Variants in ACBD6 observed in about 807,000 individuals in gnomAD.
ACBD6 encodes acyl-CoA binding domain containing 6.
A neutral mutation model predicts 37.2 loss-of-function variants in ACBD6; 28 were observed. That is an observed-to-expected ratio of 0.75 (90% CI 0.56 to 1.03). The LOEUF (loss-of-function observed/expected upper bound fraction) is 1.03, where lower values mean the gene tolerates loss of function less well. Ranked by LOEUF, ACBD6 falls within the 50% of genes least tolerant of loss-of-function variation. The pLI is 0.00. For synonymous variants in ACBD6, 113 were observed against 126.8 expected, an observed-to-expected ratio of 0.89 and a Z score of 0.73; for missense variants, 340 against 337.4, an observed-to-expected ratio of 1.01 and a Z score of -0.06.
At chr1:180,493,897 C>T (rs1005304198) in intron 2 of ACBD6, among the ~76,000 whole-genome samples, 1 of 152,248 alleles carries the variant, frequency 6.6e-6, no homozygotes, top group African/African-American at 2.4e-5. Context: ...TCCTTACCTA[C>T]AGTGTTCTTG....
At chr1:180,435,349 C>T (rs963020075) in intron 3 of ACBD6, 7 of 415,534 alleles carry the variant, frequency 1.7e-5, no homozygotes, top group African/African-American at 4.1e-5. Context: ...CCTGGTTTCA[C>T]GCCATTCTCC....
intron 6 of ACBD6, among the ~76,000 whole-genome samples, chr1:180,368,208 G>GT (rs1333965164): frequency 6.6e-6 from 1 of 151,728 alleles, no homozygotes; most frequent in African/African-American, 2.4e-5. Flanking sequence ...GTCTGTCCCT[G>GT]TTTTTTTGTC....
At chr1:180,408,987 T>C (rs957481954) in intron 5 of ACBD6, among the ~76,000 whole-genome samples, 9 of 152,052 alleles carry the variant, frequency 5.9e-5, no homozygotes, top group African/African-American at 2.2e-4. Context: ...TGAAACCCCA[T>C]CTCTACTAAA....
At chr1:180,453,878 A>G (rs1421160019) in intron 3 of ACBD6, among the ~76,000 whole-genome samples, 7 of 152,232 alleles carry the variant, frequency 4.6e-5, no homozygotes, top group African/African-American at 1.7e-4. Flanking sequence ...ACCACTGCTC[A>G]AGGAAATAAG....
At chr1:180,379,146 C>T (rs1275844763) in intron 6 of ACBD6, among the ~76,000 whole-genome samples, 2 of 152,292 alleles carry the variant, frequency 1.3e-5, no homozygotes, top group African/African-American at 2.4e-5. Context: ...TCACAGGTAA[C>T]ACTGATGCTA....
intron 5 of ACBD6, among the ~76,000 whole-genome samples, chr1:180,402,450 T>C (rs1311570663): frequency 5.9e-5 from 9 of 152,184 alleles, no homozygotes; most frequent in Non-Finnish European, 1.2e-4. Flanking sequence ...TCTCTTTCAC[T>C]GGCAAAGATC....
At chr1:180,419,492 T>G (rs1289180096) in intron 4 of ACBD6, among the ~76,000 whole-genome samples, 1 of 152,126 alleles carries the variant, frequency 6.6e-6, no homozygotes, top group Non-Finnish European at 1.5e-5. Context: ...CAGTACCCAA[T>G]GGACTAGTGA....
At chr1:180,488,916 T>C (rs1040098134) in intron 3 of ACBD6, among the ~76,000 whole-genome samples, 1 of 152,186 alleles carries the variant, frequency 6.6e-6, no homozygotes, top group Non-Finnish European at 1.5e-5. Flanking sequence ...ACTAAATCTG[T>C]CTGTGTCTGA....
chr1:180,486,342 A>G (rs1301122632), intron 3 of ACBD6, among the ~76,000 whole-genome samples: 1 of 152,232 alleles, frequency 6.6e-6, no homozygotes, highest in East Asian at 1.9e-4. Context: ...AATCAATGCA[A>G]ACCAAATGAA....
chr1:180,302,532 T>A (rs1005252504), intron 7 of ACBD6, among the ~76,000 whole-genome samples: 12 of 152,152 alleles, frequency 7.9e-5, no homozygotes, highest in Admixed American at 7.2e-4. Flanking sequence ...GAGACTAGGA[T>A]TGCAACCCCT....
At chr1:180,490,917 T>G (rs1426966337) in intron 3 of ACBD6, among the ~76,000 whole-genome samples, 3 of 144,790 alleles carry the variant, frequency 2.1e-5, no homozygotes, top group Admixed American at 7.1e-5. Context: ...AAGATCCTAC[T>G]ACTGTGCTCC....
At chr1:180,454,309 A>G (rs1649828035) in intron 3 of ACBD6, among the ~76,000 whole-genome samples, 2 of 152,350 alleles carry the variant, frequency 1.3e-5, no homozygotes. Flanking sequence ...TATTGGGAAA[A>G]CTGGCTAGCC....
intron 7 of ACBD6, among the ~76,000 whole-genome samples, chr1:180,294,794 G>A (rs528631763): frequency 2.0e-5 from 3 of 151,814 alleles, no homozygotes; most frequent in Non-Finnish European, 2.9e-5. Context: ...TCCTGGGCAT[G>A]AGTGATCCTC....
chr1:180,484,619 T>C (rs1333656578), intron 3 of ACBD6, among the ~76,000 whole-genome samples: 2 of 152,164 alleles, frequency 1.3e-5, no homozygotes, highest in Middle Eastern at 3.2e-3. Context: ...GATAAATATA[T>C]AAATACTGAT....
At chr1:180,356,539 A>G (rs572654042) in intron 6 of ACBD6, among the ~76,000 whole-genome samples, 1 of 151,954 alleles carries the variant, frequency 6.6e-6, no homozygotes, top group East Asian at 1.9e-4. Context: ...ATATGATAAT[A>G]TATCGTATAA....
intron 6 of ACBD6, among the ~76,000 whole-genome samples, chr1:180,343,678 A>G (rs1652065661): frequency 6.6e-6 from 1 of 152,176 alleles, no homozygotes; most frequent in African/African-American, 2.4e-5. Flanking sequence ...GGTAAGGATC[A>G]TGGTATAATT....
intron 6 of ACBD6, among the ~76,000 whole-genome samples, chr1:180,358,574 A>G (rs1007406629): frequency 1.3e-5 from 2 of 152,036 alleles, no homozygotes; most frequent in African/African-American, 4.8e-5. Context: ...ACCCCAAAAG[A>G]AAAACAATTT....
chr1:180,413,699 T>A (rs368104395), intron 4 of ACBD6, among the ~76,000 whole-genome samples: 1 of 152,056 alleles, frequency 6.6e-6, no homozygotes, highest in African/African-American at 2.4e-5. Flanking sequence ...AAAGTGTTAC[T>A]CAAGTTTTAA....
chr1:180,270,892 G>GGT, exon 14 of ACBD6: 8 of 209,558 alleles, frequency 3.8e-5, no homozygotes, highest in South Asian at 1.3e-4. Context: ...CCCTGGCTGT[G>GGT]AGCCCAGCGA....
Sources: allele counts gnomAD v4.1 joint callset (sites outside exome capture counted in the v4.1 genomes callset), GRCh38; gene constraint gnomAD v4.1.1; transcripts MANE v1.5; gene names NCBI Gene and HGNC (gene_info 2026-07-23, HGNC 2026-07-21).